Variants in BCR observed in about 807,000 individuals in gnomAD.
BCR encodes breakpoint cluster region protein.
In BCR, 58 loss-of-function variants were observed where a neutral mutation model predicts 138.6. The ratio of observed to expected loss-of-function variants is 0.42; its 90% CI spans 0.34 to 0.52. The LOEUF (loss-of-function observed/expected upper bound fraction) is 0.52, where lower values mean the gene tolerates loss of function less well. BCR is among the 20% of genes least tolerant of loss of function. The pLI, the probability that BCR is intolerant of heterozygous loss-of-function variation, is 0.06. For missense variants in BCR, 1,599 were observed against 1,727.2 expected (o/e 0.93, Z 1.32); for synonymous variants, 786 against 730.1 (o/e 1.08, Z -1.23).
At position 23,249,389 on chromosome 22, in the gene BCR, G is replaced by A. The variant is rs577319526; in HGVS notation, c.1280-4410G>A. Among the ~76,000 whole-genome samples, 69 of 146,298 alleles carry A rather than the reference G, an allele frequency of 4.7e-4. No homozygotes were observed. The Middle Eastern group carries it at 0.015, about 31-fold the overall frequency. On this transcript the variant is annotated intron_variant, in intron 1 of 22. Transcript: ENST00000305877. ...GGAGCTTACAGTGAGCCGAAATCGC[G>A]CCACTGCACTCCAGCCTGGACGACA...
At chr22:23,252,534 G>A (rs1389554256) in intron 1 of BCR, among the ~76,000 whole-genome samples, 1 of 146,766 alleles carries the variant, frequency 6.8e-6, no homozygotes, top group Non-Finnish European at 1.5e-5. Flanking sequence ...AGGTTCAAGC[G>A]ATTCTCCTGC....
intron 10 of BCR, among the ~76,000 whole-genome samples, chr22:23,285,865 T>G (rs1455304210): frequency 6.6e-6 from 1 of 152,190 alleles, no homozygotes; most frequent in African/African-American, 2.4e-5. Flanking sequence ...TGTGATCACT[T>G]TAAGTTCACA....
intron 8 of BCR, 151 bp from the exon 9 acceptor site, chr22:23,283,826 G>T: frequency 2.0e-6 from 2 of 1,009,078 alleles, no homozygotes; most frequent in Non-Finnish European, 2.8e-6. Context: ...GTTCTGGAAA[G>T]TGGGTGTGAG....
chr22:23,181,876 G>A lies in BCR; in HGVS notation c.916G>A (p.Glu306Lys), dbSNP rs1260335481. 6.2e-7 allele frequency: 1 copy of A among 1,613,172 alleles called. No individual in the cohort carries two copies. Among genetic ancestry groups the A allele is most frequent in the Non-Finnish European group, 8.5e-7 (1 of 1,179,960 alleles). Residue 306 changes from glutamate to lysine, a missense_variant, in exon 1 of 23, where the codon GAG becomes AAG. By Grantham distance (56) the Glu-to-Lys change is moderately conservative (BLOSUM62 1). This residue lies in a region of BCR where 806 missense variants were observed against 635.0 expected (regional missense o/e 1.27). Transcript: ENST00000305877. ...LLRSQSTSEQ[E>K]KRLTWPRRSY... ...GCGCAGCCAGAGCACCTCTGAGCAG[G>A]AGAAGCGCCTTACCTGGCCCCGCAG...
In BCR at chr22:23,259,093, G is replaced by A. The variant is rs1004319963; in HGVS notation, c.1462-1857G>A. On this transcript the variant is annotated intron_variant, in intron 2 of 22. Transcript: ENST00000305877. Reference sequence around the variant, plus strand: ...CATTGCCAGTGGCCAGGGAGTAGGCGGGAGTGGCCAGGAAGTCAGGTGGCG... The same window carrying A: ...CATTGCCAGTGGCCAGGGAGTAGGCAGGAGTGGCCAGGAAGTCAGGTGGCG... Among the ~76,000 whole-genome samples the A allele has an allele frequency of 4.6e-5, 7 of 152,396 alleles. No homozygotes were observed. The South Asian group carries it at 8.3e-4, about 18-fold the overall frequency.
intron 1 of BCR, among the ~76,000 whole-genome samples, chr22:23,193,490 A>C (rs2072440089): frequency 6.6e-6 from 1 of 152,242 alleles, no homozygotes; most frequent in African/African-American, 2.4e-5. Context: ...AAAAAATCTT[A>C]AGAAGAAATG....
chr22:23,215,377 T>A (rs1390831239), intron 1 of BCR, among the ~76,000 whole-genome samples: 1 of 152,186 alleles, frequency 6.6e-6, no homozygotes, highest in Non-Finnish European at 1.5e-5. Flanking sequence ...TGCTCATTAA[T>A]GGGAGAGGGG....
chr22:23,212,031 C>T (rs572930096), intron 1 of BCR, among the ~76,000 whole-genome samples: 3 of 152,318 alleles, frequency 2.0e-5, no homozygotes, highest in Admixed American at 1.3e-4. Context: ...TACCCTCAGC[C>T]TCCCATAAGG....
At chr22:23,206,407 T>C (rs2072614042) in intron 1 of BCR, among the ~76,000 whole-genome samples, 1 of 151,906 alleles carries the variant, frequency 6.6e-6, no homozygotes, top group South Asian at 2.1e-4. Context: ...ACCATGTCTC[T>C]ACTAAAAATA....
intron 13 of BCR, 151 bp downstream of exon 13, chr22:23,289,772 C>A: frequency 1.4e-6 from 1 of 706,502 alleles, no homozygotes. Flanking sequence ...CCTCTTGTCT[C>A]CTCCCAGGAG....
Position 23,311,722 on chromosome 22 carries a change from A to G in BCR, c.3208A>G (p.Ile1070Val). 4 of 1,610,836 alleles carry G rather than the reference A, an allele frequency of 2.5e-6. No homozygotes were observed. Among genetic ancestry groups the G allele is most frequent in the Admixed American group, 1.7e-5 (1 of 59,978 alleles). Residue 1070 changes from isoleucine to valine, a missense_variant, in exon 19 of 23, where the codon ATC (isoleucine) becomes GTC (valine). This residue lies in a region of BCR where 26 missense variants were observed against 103.5 expected (regional missense o/e 0.25). Coordinates refer to ENST00000305877, the MANE Select transcript of BCR (RefSeq NM_004327.4). ...TKRERSKVPY[I>V]VRQCVEEIER... ...GAGAGAGAGGTCCAAGGTGCCCTACATCGTGCGCCAGTGCGTGGAGGAGAT... is the reference window on the plus strand; with the variant it reads ...GAGAGAGAGGTCCAAGGTGCCCTACGTCGTGCGCCAGTGCGTGGAGGAGAT...
At chr22:23,186,016 AC>A (rs11300897) in intron 1 of BCR, among the ~76,000 whole-genome samples, 152,325 of 152,334 alleles carry the variant, frequency 1, 76,158 homozygotes, top group Non-Finnish European at 1. Context: ...GGCGTGAGCC[AC>A]CCGCGCAAGG....
rs2330349 is a variant in BCR, at chr22:23,228,800, G to A, written c.1280-24999G>A. ...TTCAAGACTTTTTTCTTTAACTTTG[G>A]TTTTCTGTGCTTTTATTATGATATG... On this transcript the variant is annotated intron_variant, in intron 1 of 22. Transcript: ENST00000305877. Among the ~76,000 whole-genome samples the A allele has an allele frequency of 9.9e-5, 15 of 151,656 alleles. 1 individual carries two copies. Among genetic ancestry groups the A allele is most frequent in the African/African-American group, 3.6e-4 (15 of 41,370 alleles).
chr22:23,265,282 A>G (rs1434748521), intron 4 of BCR, among the ~76,000 whole-genome samples: 1 of 152,240 alleles, frequency 6.6e-6, no homozygotes, highest in Non-Finnish European at 1.5e-5. Context: ...GTTCCCCATA[A>G]CGACGAGCTG....
chr22:23,230,757 T>C (rs1373256770), intron 1 of BCR, among the ~76,000 whole-genome samples: 1 of 152,226 alleles, frequency 6.6e-6, no homozygotes, highest in Admixed American at 6.5e-5. Context: ...TGCATAAAGA[T>C]CTTTGGAAAT....
intron 2 of BCR, among the ~76,000 whole-genome samples, chr22:23,258,089 G>A (rs1051187024): frequency 6.6e-6 from 1 of 152,072 alleles, no homozygotes; most frequent in Admixed American, 6.5e-5. Flanking sequence ...CTTTTCCTTG[G>A]AGCTGCTCTC....
chr22:23,246,742 G>T (rs1254159449), intron 1 of BCR, among the ~76,000 whole-genome samples: 1 of 152,202 alleles, frequency 6.6e-6, no homozygotes. Context: ...TGACCTGGAG[G>T]AAGTACCCCG....
intron 2 of BCR, chr22:23,260,728 G>A (rs1412627894): frequency 1.5e-5 from 8 of 530,016 alleles, no homozygotes; most frequent in Admixed American, 3.0e-5. Context: ...GGTGGCCCTG[G>A]TGTTGCCAGA....
intron 1 of BCR, among the ~76,000 whole-genome samples, chr22:23,200,080 G>A (rs1196985345): frequency 6.8e-6 from 1 of 146,840 alleles, no homozygotes; most frequent in East Asian, 2.0e-4. Flanking sequence ...GAGCAAGACT[G>A]CGTCTCAAAA....
Sources: allele counts gnomAD v4.1 joint callset (sites outside exome capture counted in the v4.1 genomes callset), GRCh38; gene constraint gnomAD v4.1.1; regional missense constraint gnomAD v4.1.1; transcripts MANE v1.5; gene names NCBI Gene and HGNC (gene_info 2026-07-23, HGNC 2026-07-21).